Variants in CLCA4 observed in about 807,000 individuals in gnomAD.
CLCA4 encodes the protein chloride channel accessory 4.
CLCA4 carries 69 observed loss-of-function variants against 78.9 expected under a neutral mutation model. That is an observed-to-expected ratio of 0.87 (90% CI 0.72 to 1.07). CLCA4 has a LOEUF of 1.07. Ranked by LOEUF, CLCA4 falls within the 50% of genes least tolerant of loss-of-function variation. CLCA4 has a pLI of 0.00. For synonymous variants in CLCA4, 362 were observed against 375.8 expected, an observed-to-expected ratio of 0.96 and a Z score of 0.42; for missense variants, 1,133 against 1,095.8, an observed-to-expected ratio of 1.03 and a Z score of -0.48.
At chr1:86,552,424 C>A (rs1292180317) in intron 1 of CLCA4, among the ~76,000 whole-genome samples, 1 of 152,196 alleles carries the variant, frequency 6.6e-6, no homozygotes, top group Non-Finnish European at 1.5e-5. Context: ...CTCTGCCTGG[C>A]CCTCCACAGC....
rs574146321 is a variant in CLCA4 at position 86,560,373 on chromosome 1, T to TA, written c.448+21dup. The TA allele has an allele frequency of 6.2e-6, 10 of 1,612,850 alleles. 1 individual carries two copies. The South Asian group carries it at 1.1e-4, about 18-fold the overall frequency. Reference sequence around the variant, plus strand: ...TGGACCACCAGGTAGAAATTTTGGTTAAAAAATAATTTTGCAGTGATTGCA... The same window carrying TA: ...TGGACCACCAGGTAGAAATTTTGGTTAAAAAAATAATTTTGCAGTGATTGCA... On this transcript the variant is annotated intron_variant, in intron 3 of 13. Coordinates refer to ENST00000370563, the MANE Select transcript of CLCA4 (RefSeq NM_012128.4).
intron 1 of CLCA4, among the ~76,000 whole-genome samples, 175 bp from the exon 2 acceptor site, chr1:86,559,756 TA>T (rs1649957443): frequency 6.6e-6 from 1 of 152,204 alleles, no homozygotes; most frequent in Non-Finnish European, 1.5e-5. Context: ...CGTGCAGGAA[TA>T]AGTGATGGTT....
chr1:86,552,492 T>C (rs1649695425), intron 1 of CLCA4: 1 of 501,110 alleles, frequency 2.0e-6, no homozygotes, highest in Non-Finnish European at 3.6e-6. Context: ...TGGTCTGTTC[T>C]GGGATTTCTC....
rs1650149243 is a variant in CLCA4, at chr1:86,565,402, A to G, written c.686A>G (p.Lys229Arg). ...AAAGATTGTCAATTCTTTCCTGATA[A>G]AGTACAAACAGAAAAAGCATCCATA... ...YGKDCQFFPD[K>R]VQTEKASIMF... Residue 229 changes from lysine to arginine, a missense_variant, in exon 5 of 14, where the codon AAA becomes AGA. By Grantham distance (26) the Lys-to-Arg change is conservative (BLOSUM62 2). Transcript: ENST00000370563. The G allele has an allele frequency of 3.1e-6, 5 of 1,608,112 alleles. No individual in the cohort carries two copies. The highest frequency in any genetic ancestry group is 4.3e-6 in the Non-Finnish European group (5 of 1,176,344).
At chr1:86,560,836 C>T (rs1276818790) in intron 3 of CLCA4, among the ~76,000 whole-genome samples, 1 of 152,176 alleles carries the variant, frequency 6.6e-6, no homozygotes, top group Admixed American at 6.5e-5. Flanking sequence ...TAATATCAAT[C>T]TATTTCATTG....
Position 86,565,357 on chromosome 1 carries a change from C to T in CLCA4, c.641C>T (p.Ser214Phe), listed in dbSNP as rs1380123797. ...SCLSRACRIDSTTKLYGKDCQ... is the reference protein window; with the variant it reads ...SCLSRACRIDFTTKLYGKDCQ... ...CTTAGTAGAGCATGCAGAATTGATT[C>T]TACAACAAAACTGTATGGAAAAGAT... The change falls in exon 5 of 14, where the codon TCT becomes TTT. Residue 214 changes from serine (S) to phenylalanine (F), a missense_variant. Ser to Phe is a radical substitution (Grantham distance 155, BLOSUM62 -2). Coordinates refer to ENST00000370563, the MANE Select transcript of CLCA4 (RefSeq NM_012128.4). 6.2e-7 allele frequency: 1 copy of T among 1,608,766 alleles called. No homozygotes were observed. Among genetic ancestry groups the T allele is most frequent in the East Asian group, 2.2e-5 (1 of 44,726 alleles).
rs769242887 is a variant in CLCA4, at chr1:86,580,149, CA to C, written c.2568del (p.Val857TyrfsTer7). 92 of 1,612,506 alleles carry C rather than the reference CA, an allele frequency of 5.7e-5. No individual in the cohort carries two copies. Among genetic ancestry groups the C allele is most frequent in the Non-Finnish European group, 7.1e-5 (84 of 1,179,204 alleles). ...AGTATAGATAAAAGCAATTTGACAT[CA>C]AAAGTATCCAACATTGCACAAGTAA... ...IKSIDKSNLTSKVSNIAQVTL... is the reference protein window; with the variant it reads ...IKSIDKSNLTXKVSNIAQVTL... On this transcript the variant is annotated frameshift_variant, in exon 14 of 14. Coordinates refer to ENST00000370563, the MANE Select transcript of CLCA4 (RefSeq NM_012128.4). LOFTEE classifies it low-confidence loss of function (END_TRUNC).
At position 86,575,446 on chromosome 1, in the gene CLCA4, A is replaced by C. The variant is rs766121506; in HGVS notation, c.1798A>C (p.Met600Leu). 6.2e-7 allele frequency: 1 copy of C among 1,613,558 alleles called. No homozygotes were observed. The highest frequency in any genetic ancestry group is 8.5e-7 in the Non-Finnish European group (1 of 1,179,652). Residue 600 changes from methionine to leucine, a missense_variant, in exon 11 of 14, where the codon ATG (methionine) becomes CTG (leucine). Physicochemically the swap from Met to Leu is conservative, Grantham distance 15. Transcript: ENST00000370563. ...GCCTCCAATCACAGTGAATGCTAAA[A>C]TGAATAAGGACGTAAACAGTTTCCC... ...SVPPITVNAK[M>L]NKDVNSFPSP...
intron 7 of CLCA4, 99 bp from the exon 8 acceptor site, chr1:86,570,977 TA>T: frequency 1.2e-6 from 1 of 829,718 alleles, no homozygotes; most frequent in East Asian, 2.5e-5. Flanking sequence ...CTATTCTGCA[TA>T]ACTTTGTTTA....
At chr1:86,578,301 T>C (rs1180749227) in intron 12 of CLCA4, among the ~76,000 whole-genome samples, 1 of 151,946 alleles carries the variant, frequency 6.6e-6, no homozygotes, top group Non-Finnish European at 1.5e-5. Flanking sequence ...TTATTCTTAT[T>C]TTTTTTAACT....
intron 3 of CLCA4, 121 bp downstream of exon 3, chr1:86,560,479 C>T (rs1649985310): frequency 1.0e-6 from 1 of 961,824 alleles, no homozygotes; most frequent in Middle Eastern, 2.3e-4. Flanking sequence ...CCCCTACTTA[C>T]TAGCTGTATG....
intron 13 of CLCA4, 122 bp from the exon 14 acceptor site, chr1:86,579,820 A>T (rs1343039959): frequency 1.3e-6 from 1 of 788,528 alleles, no homozygotes; most frequent in Admixed American, 2.9e-5. Flanking sequence ...AGCTTTTATT[A>T]AAAAATGAGT....
chr1:86,574,842 G>C lies in CLCA4; in HGVS notation c.1683+87G>C, dbSNP rs912012671. On this transcript the variant is annotated intron_variant, in intron 10 of 13. Coordinates refer to ENST00000370563, the MANE Select transcript of CLCA4 (RefSeq NM_012128.4). ...AATGTCATAAATGTCAGTACCAAAGGCTGTATCAACTTTAAAATTAAGATA... is the reference window on the plus strand; with the variant it reads ...AATGTCATAAATGTCAGTACCAAAGCCTGTATCAACTTTAAAATTAAGATA... 21 of 960,844 alleles carry C rather than the reference G, an allele frequency of 2.2e-5. No homozygotes were observed. The African/African-American group carries it at 3.3e-4, about 15-fold the overall frequency. The allele number at this position is 960,844 out of a possible 1,614,324, so 59.5% of individuals were successfully genotyped here.
chr1:86,555,676 T>G (rs1214831141), intron 1 of CLCA4, among the ~76,000 whole-genome samples: 1 of 152,238 alleles, frequency 6.6e-6, no homozygotes, highest in Non-Finnish European at 1.5e-5. Flanking sequence ...GCCTTGGCTG[T>G]TCAGGCTCTT....
rs1650658036 is a variant in CLCA4, at chr1:86,579,976, T to G, written c.2391T>G (p.Ile797Met). The G allele has an allele frequency of 6.2e-7, 1 of 1,601,520 alleles. No individual in the cohort carries two copies. The highest frequency in any genetic ancestry group is 8.5e-7 in the Non-Finnish European group (1 of 1,174,130). ...QRYIIRISAS[I>M]LDLRDSFDDA... ...ATATCATAAGAATAAGTGCAAGTAT[T>G]CTTGATCTAAGAGACAGTTTTGATG... Residue 797 changes from isoleucine (I) to methionine (M), a missense_variant, in exon 14 of 14, where the codon ATT (isoleucine) becomes ATG (methionine). Coordinates refer to ENST00000370563, the MANE Select transcript of CLCA4 (RefSeq NM_012128.4).
chr1:86,575,692 A>G, intron 11 of CLCA4, 93 bp downstream of exon 11: 2 of 1,134,756 alleles, frequency 1.8e-6, no homozygotes, highest in East Asian at 2.4e-5. Flanking sequence ...GACAGGCAAC[A>G]GAATTGATGC....
intron 8 of CLCA4, chr1:86,571,462 A>C: frequency 2.2e-6 from 1 of 459,298 alleles, no homozygotes. Flanking sequence ...TAGCATTCCT[A>C]CATAACAGGA....
At chr1:86,562,083 GAC>G (rs150445284) in intron 3 of CLCA4, among the ~76,000 whole-genome samples, 2 of 151,378 alleles carry the variant, frequency 1.3e-5, no homozygotes, top group African/African-American at 2.4e-5. Flanking sequence ...ACACACACAC[GAC>G]ACACACACAC....
At chr1:86,567,386 A>G in intron 6 of CLCA4, 38 bp from the exon 7 acceptor site, 3 of 1,520,294 alleles carry the variant, frequency 2.0e-6, no homozygotes, top group Non-Finnish European at 2.7e-6. Flanking sequence ...TTTTCCAGTC[A>G]AAATCACTTG....
Sources: gnomAD v4.1 joint callset for allele counts (sites outside exome capture counted in the v4.1 genomes callset) on GRCh38, gnomAD v4.1.1 for gene constraint, MANE v1.5 for transcripts, NCBI Gene and HGNC (gene_info 2026-07-23, HGNC 2026-07-21) for gene names.